The following MXRA8 variants were observed in gnomAD, a reference collection of about 807,000 sequenced individuals.
MXRA8 encodes the protein matrix remodeling associated 8.
In MXRA8, 44 loss-of-function variants were observed where a neutral mutation model predicts 51.4. The ratio of observed to expected loss-of-function variants is 0.86; its 90% confidence interval spans 0.67 to 1.10. MXRA8 has a LOEUF of 1.10. Ranked by LOEUF, MXRA8 falls within the 50% of genes least tolerant of loss-of-function variation. MXRA8 has a pLI of 0.00. For missense variants in MXRA8, 765 were observed against 638.9 expected, an observed-to-expected ratio of 1.20 and a Z score of -2.13; for synonymous variants, 369 against 293.5, an observed-to-expected ratio of 1.26 and a Z score of -2.63.
upstream of MXRA8, chr1:1,361,331 T>C: frequency 1.4e-6 from 1 of 702,950 alleles, no homozygotes; most frequent in Non-Finnish European, 2.6e-6. Flanking sequence ...GGTGCCAGGC[T>C]TGCTGGGCAC....
In MXRA8 at chr1:1,355,349, C is replaced by T. The variant is rs747801925; in HGVS notation, c.377-4G>A. On this transcript the variant is annotated splice_polypyrimidine_tract_variant and splice_region_variant and intron_variant, in intron 3 of 9. Transcript: ENST00000309212. The stretch of plus-strand genomic sequence containing the variant: ...CCCGCGTCCGTCTCCTCCACCGCTG[C>T]GCACCCAGGAGGAAGCCGCGCGTGA... 3.8e-6 allele frequency: 6 copies of T among 1,571,938 alleles called. No homozygotes were observed. Among genetic ancestry groups the T allele is most frequent in the Non-Finnish European group, 5.2e-6 (6 of 1,163,378 alleles).
chr1:1,354,663 C>G lies in MXRA8; in HGVS notation c.949+19G>C, dbSNP rs904025879. The G allele has an allele frequency of 3.2e-6, 5 of 1,551,164 alleles. No homozygotes were observed. In the African/African-American group the frequency reaches 6.8e-5, roughly 21 times the overall value. On this transcript the variant is annotated intron_variant, in intron 5 of 9. Coordinates refer to ENST00000309212, the MANE Select transcript of MXRA8 (RefSeq NM_032348.4). ...GGGTGGGCTCCCGCCTTCCCGGGTC[C>G]CAGGGAGGCCTCCTTCACCTGGGCC...
In MXRA8 at chr1:1,355,529, C is replaced by T; in HGVS notation, c.297G>A (p.Val99=). The change falls in exon 3 of 10, where the codon GTG becomes GTA. Residue 99 remains valine, a synonymous_variant. Transcript: ENST00000309212. ...GGCGGCCGCGGTCCCGCGCCTCGTA[C>T]ACGCGCTGCTCGCCCGCCGAGTACA... The part of the protein sequence containing the change: ...LDLYSAGEQR[V]YEARDRGRLE... The T allele has an allele frequency of 1.3e-6, 2 of 1,495,836 alleles. No homozygotes were observed. The highest frequency in any genetic ancestry group is 8.8e-7 in the Non-Finnish European group (1 of 1,133,184). 92.7% of individuals were successfully genotyped at this position (1,495,836 alleles called of 1,614,324 possible). A position where few individuals can be genotyped will look rare whatever the true frequency, so the allele number is the denominator to read the frequency against.
At position 1,353,984 on chromosome 1, in the gene MXRA8, G is replaced by A. The variant is rs991563281; in HGVS notation, c.1222+46C>T. 6 of 1,482,468 alleles carry A rather than the reference G, an allele frequency of 4.0e-6. No individual in the cohort carries two copies. In the African/African-American group the frequency reaches 1.2e-4, roughly 29 times the overall value. The allele number at this position is 1,482,468 out of a possible 1,614,324, so 91.8% of individuals were successfully genotyped here. A position where few individuals can be genotyped will look rare whatever the true frequency, so the allele number is the denominator to read the frequency against. On this transcript the variant is annotated intron_variant, in intron 8 of 9. Coordinates refer to ENST00000309212, the MANE Select transcript of MXRA8 (RefSeq NM_032348.4). ...CTCCCAGGATGCACTTCCCAGCCCG[G>A]GACTGGGAGCCGCGCCTGTGCCCTC...
rs778691532 is a variant in MXRA8, at chr1:1,355,414, C to T, written c.376+36G>A. The T allele has an allele frequency of 5.6e-5, 83 of 1,491,716 alleles. No individual in the cohort carries two copies. In the East Asian group the frequency reaches 2.0e-3, roughly 35 times the overall value. The allele number at this position is 1,491,716 out of a possible 1,614,324, so 92.4% of individuals were successfully genotyped here. Reference sequence around the variant, plus strand: ...CCGACCCCGCGGCCCCGGACCCCTGCCCCGACCCCGCGGCCCCGGTCCCCG... The same window carrying T: ...CCGACCCCGCGGCCCCGGACCCCTGTCCCGACCCCGCGGCCCCGGTCCCCG... On this transcript the variant is annotated intron_variant, in intron 3 of 9. Coordinates refer to ENST00000309212, the MANE Select transcript of MXRA8 (RefSeq NM_032348.4).
chr1:1,361,098 C>T (rs1644216886), upstream of MXRA8: 3 of 686,400 alleles, frequency 4.4e-6, no homozygotes, highest in East Asian at 2.7e-5. Context: ...ACACGACACA[C>T]ATGGAGACAC....
At chr1:1,358,119 T>C (rs1268208030) in intron 1 of MXRA8, among the ~76,000 whole-genome samples, 2 of 152,172 alleles carry the variant, frequency 1.3e-5, no homozygotes, top group Non-Finnish European at 2.9e-5. Flanking sequence ...CCCACAGTTC[T>C]CAGGTCCCCT....
upstream of MXRA8, among the ~76,000 whole-genome samples, chr1:1,362,748 T>G (rs1204986009): frequency 6.8e-6 from 1 of 146,106 alleles, no homozygotes. Flanking sequence ...GCCGTTGCAT[T>G]CCAGCCTGGG....
upstream of MXRA8, chr1:1,361,788 C>T (rs1644225692): frequency 6.1e-6 from 1 of 164,228 alleles, no homozygotes; most frequent in Non-Finnish European, 1.3e-5. Flanking sequence ...TCTCCTACGG[C>T]CTTTGGATTC....
upstream of MXRA8, among the ~76,000 whole-genome samples, chr1:1,362,502 A>C (rs925597677): frequency 6.6e-6 from 1 of 151,770 alleles, no homozygotes; most frequent in Non-Finnish European, 1.5e-5. Flanking sequence ...AGTCTCGGCC[A>C]GGCAAGATGG....
In MXRA8 at chr1:1,355,128, T is replaced by G; in HGVS notation, c.503A>C (p.Asp168Ala). The G allele has an allele frequency of 6.8e-7, 1 of 1,478,188 alleles. No homozygotes were observed. Among genetic ancestry groups the G allele is most frequent in the Non-Finnish European group, 8.9e-7 (1 of 1,128,242 alleles). 91.6% of individuals were successfully genotyped at this position (1,478,188 alleles called of 1,614,324 possible). A position where few individuals can be genotyped will look rare whatever the true frequency, so the allele number is the denominator to read the frequency against. Residue 168 changes from aspartate to alanine, a missense_variant, in exon 5 of 10, where the codon GAC becomes GCC. Physicochemically the swap from Asp to Ala is moderately radical, Grantham distance 126. Transcript: ENST00000309212. The part of the protein sequence containing the change: ...DGPPATPAYW[D>A]GEKEVLAVAR... ...CACCGCCAGCACCTCCTTCTCGCCG[T>G]CCCAGTAGGCGGGGGTGGCCGGGGC... is the stretch of plus-strand genomic sequence containing the variant.
chr1:1,355,499 C>T lies in MXRA8; in HGVS notation c.327G>A (p.Glu109=). 6.6e-7 allele frequency: 1 copy of T among 1,511,146 alleles called. No individual in the cohort carries two copies. Among genetic ancestry groups the T allele is most frequent in the South Asian group, 1.2e-5 (1 of 81,016 alleles). 93.6% of individuals were successfully genotyped at this position (1,511,146 alleles called of 1,614,324 possible). A position where few individuals can be genotyped will look rare whatever the true frequency, so the allele number is the denominator to read the frequency against. ...VYEARDRGRL[E]LSASAFDDGN... ...CGTCGTCGAAGGCCGAGGCCGAGAG[C>T]TCCAGGCGGCCGCGGTCCCGCGCCT... is the stretch of plus-strand genomic sequence containing the variant. The change falls in exon 3 of 10, where the codon GAG becomes GAA. Residue 109 remains glutamate (E), a synonymous_variant. Transcript: ENST00000309212.
In MXRA8 at chr1:1,354,125, A is replaced by T. The variant is rs200858915; in HGVS notation, c.1146-19T>A. The T allele has an allele frequency of 5.8e-5, 94 of 1,611,464 alleles. 1 individual carries two copies. In the African/African-American group the frequency reaches 9.6e-4, roughly 16 times the overall value. On this transcript the variant is annotated intron_variant, in intron 7 of 9. Coordinates refer to ENST00000309212, the MANE Select transcript of MXRA8 (RefSeq NM_032348.4). ...ATCCTTCCTGGATGGCGAGGGTGGGAGGAGGTTACAGCTGGGTGGGGTGAA... is the reference window on the plus strand; with the variant it reads ...ATCCTTCCTGGATGGCGAGGGTGGGTGGAGGTTACAGCTGGGTGGGGTGAA...
chr1:1,355,505 G>C lies in MXRA8; in HGVS notation c.321C>G (p.Arg107=), dbSNP rs1259679122. 6.6e-7 allele frequency: 1 copy of C among 1,509,254 alleles called. No homozygotes were observed. Among genetic ancestry groups the C allele is most frequent in the Admixed American group, 2.2e-5 (1 of 46,036 alleles). 93.5% of individuals were successfully genotyped at this position (1,509,254 alleles called of 1,614,324 possible). ...CGAAGGCCGAGGCCGAGAGCTCCAGGCGGCCGCGGTCCCGCGCCTCGTACA... is the reference window on the plus strand; with the variant it reads ...CGAAGGCCGAGGCCGAGAGCTCCAGCCGGCCGCGGTCCCGCGCCTCGTACA... ...QRVYEARDRG[R]LELSASAFDD... The change falls in exon 3 of 10, where the codon CGC becomes CGG. Residue 107 remains arginine, a synonymous_variant. Transcript: ENST00000309212.
At chr1:1,357,392 G>A (rs1010824497) in intron 1 of MXRA8, among the ~76,000 whole-genome samples, 8 of 152,082 alleles carry the variant, frequency 5.3e-5, no homozygotes, top group African/African-American at 1.4e-4. Context: ...GTCCCCTGGT[G>A]ACCACCCCCT....
At chr1:1,353,775 CG>C in intron 9 of MXRA8, 72 bp downstream of exon 9, 1 of 1,490,168 alleles carries the variant, frequency 6.7e-7, no homozygotes, top group Non-Finnish European at 9.0e-7. Context: ...TGCCTGCCAT[CG>C]TTGGTCCCAG....
chr1:1,353,981 C>T, intron 8 of MXRA8, 49 bp downstream of exon 8: 1 of 1,493,166 alleles, frequency 6.7e-7, no homozygotes, highest in Non-Finnish European at 8.9e-7. Flanking sequence ...ACTTCCCAGC[C>T]CGGGACTGGG....
upstream of MXRA8, chr1:1,358,821 C>G (rs765962262): frequency 3.5e-6 from 4 of 1,154,248 alleles, no homozygotes; most frequent in Non-Finnish European, 4.3e-6. Flanking sequence ...GTGATCGTGT[C>G]TCACGTCTAG....
Position 1,354,327 on chromosome 1 carries a change from C to T in MXRA8, c.1105+27G>A, listed in dbSNP as rs761373158. ...TCCCGCCCACCTCAGTCTCCTGGGG[C>T]CGCTGGCTTTGCCGGGGCAGCCTCA... is the stretch of plus-strand genomic sequence containing the variant. On this transcript the variant is annotated intron_variant, in intron 6 of 9. Coordinates refer to ENST00000309212, the MANE Select transcript of MXRA8 (RefSeq NM_032348.4). 17 of 1,602,624 alleles carry T rather than the reference C, an allele frequency of 1.1e-5. No homozygotes were observed. In the South Asian group the frequency reaches 1.4e-4, roughly 14 times the overall value.
Sources: allele counts gnomAD v4.1 joint callset (sites outside exome capture counted in the v4.1 genomes callset), GRCh38; gene constraint gnomAD v4.1.1; transcripts MANE v1.5; gene names NCBI Gene and HGNC (gene_info 2026-07-23, HGNC 2026-07-21).